Variants in FARS2 observed in about 807,000 individuals in gnomAD.
FARS2 encodes phenylalanine--tRNA ligase, mitochondrial.
Under a neutral mutation model 46.4 loss-of-function variants are expected in FARS2, and 40 were observed. That is an observed-to-expected ratio of 0.86 (90% confidence interval 0.67 to 1.12). FARS2 has a LOEUF of 1.12. FARS2 is among the 50% of genes most tolerant of loss of function. FARS2 has a pLI of 0.00. For synonymous variants in FARS2, 234 were observed against 214.9 expected, an observed-to-expected ratio of 1.09 and a Z score of -0.78; for missense variants, 513 against 567.9, an observed-to-expected ratio of 0.90 and a Z score of 0.98.
At chr6:5,605,646 C>A (rs1215884979) in intron 5 of FARS2, among the ~76,000 whole-genome samples, 2 of 152,206 alleles carry the variant, frequency 1.3e-5, no homozygotes, top group South Asian at 4.1e-4. Flanking sequence ...ACCCAAATTC[C>A]ATGCCACGTG....
intron 6 of FARS2, among the ~76,000 whole-genome samples, chr6:5,710,770 T>C (rs1431756132): frequency 6.6e-6 from 1 of 152,196 alleles, no homozygotes; most frequent in Non-Finnish European, 1.5e-5. Flanking sequence ...CTGATCGATA[T>C]ATGGGTGAGC....
upstream of FARS2, chr6:5,260,925 T>C: frequency 7.4e-7 from 1 of 1,354,096 alleles, no homozygotes; most frequent in African/African-American, 1.6e-5. Flanking sequence ...CCCGCGCCGC[T>C]TCGGGGGCGG....
upstream of FARS2, chr6:5,260,590 ACCCCCGGTCCCCGGCCCCTGG>A: frequency 1.6e-6 from 2 of 1,270,492 alleles, no homozygotes; most frequent in Non-Finnish European, 2.2e-6. Flanking sequence ...GTCAGCCCGC[ACCCCCGGTCCCCGGCCCCTGG>A]CCCCCCGCCC....
chr6:5,664,681 G>A (rs1021993787), intron 6 of FARS2, among the ~76,000 whole-genome samples: 10 of 152,256 alleles, frequency 6.6e-5, no homozygotes, highest in Admixed American at 6.5e-4. Context: ...TCTCTTAGTA[G>A]GACATGAGAT....
intron 6 of FARS2, among the ~76,000 whole-genome samples, chr6:5,758,795 C>T (rs1378574098): frequency 2.6e-5 from 4 of 152,100 alleles, no homozygotes; most frequent in African/African-American, 9.7e-5. Flanking sequence ...TTTAAAGTTG[C>T]CCCCTGAGCC....
intron 4 of FARS2, among the ~76,000 whole-genome samples, chr6:5,455,540 T>G (rs1436350118): frequency 6.6e-6 from 1 of 152,204 alleles, no homozygotes; most frequent in African/African-American, 2.4e-5. Context: ...TCAGCTTGTT[T>G]CCCCCATCCT....
chr6:5,383,720 A>G lies in FARS2; in HGVS notation c.612+14538A>G, dbSNP rs765512029. 5.3e-5 allele frequency among the ~76,000 whole-genome samples: 8 copies of G among 150,138 alleles called. No individual in the cohort carries two copies. The East Asian group carries it at 5.8e-4, about 11-fold the overall frequency. On this transcript the variant is annotated intron_variant, in intron 2 of 6. Coordinates refer to ENST00000274680, the MANE Select transcript of FARS2 (RefSeq NM_006567.5). ...ATCCATCTGAGCATTGTCAATGTCA[A>G]TTATGTATCTTGTGGGTTGTCCTTT...
chr6:5,568,213 G>A (rs940035357), intron 5 of FARS2, among the ~76,000 whole-genome samples: 3 of 152,048 alleles, frequency 2.0e-5, no homozygotes, highest in South Asian at 2.1e-4. Flanking sequence ...TGTAATATGC[G>A]GTTCTGATTC....
At chr6:5,607,099 C>T (rs1012368766) in intron 5 of FARS2, among the ~76,000 whole-genome samples, 4 of 152,046 alleles carry the variant, frequency 2.6e-5, no homozygotes, top group Non-Finnish European at 4.4e-5. Context: ...ATATTTTTAA[C>T]TTAAAATTAG....
At position 5,343,696 on chromosome 6, in the gene FARS2, T is replaced by C. The variant is rs374026382; in HGVS notation, c.-21-24854T>C. Among the ~76,000 whole-genome samples the C allele has an allele frequency of 2.6e-5, 4 of 152,232 alleles. No homozygotes were observed. The East Asian group carries it at 7.7e-4, about 29-fold the overall frequency. ...AACAGGAATGTGTCGTGACTGAAAG[T>C]GGAGGATGAGCTGGTATGACATGGG... On this transcript the variant is annotated intron_variant, in intron 1 of 6. Coordinates refer to ENST00000274680, the MANE Select transcript of FARS2 (RefSeq NM_006567.5). The surrounding 1 kb of genome is among the most constrained non-coding windows in gnomAD (Gnocchi z 4.5).
At chr6:5,737,337 C>T (rs1761017594) in intron 6 of FARS2, among the ~76,000 whole-genome samples, 2 of 152,170 alleles carry the variant, frequency 1.3e-5, no homozygotes, top group African/African-American at 4.8e-5. Context: ...TTGAGACCAG[C>T]CTGGCCAACA....
At chr6:5,511,197 G>T (rs1002840999) in intron 4 of FARS2, among the ~76,000 whole-genome samples, 4 of 152,206 alleles carry the variant, frequency 2.6e-5, no homozygotes, top group African/African-American at 9.7e-5. Context: ...ATGCCAAGAT[G>T]AAGATTTTGT....
In FARS2 at chr6:5,467,398, G is replaced by A. The variant is rs984277273; in HGVS notation, c.904+36226G>A. On this transcript the variant is annotated intron_variant, in intron 4 of 6. Transcript: ENST00000274680. ...ATCATTGCCCAAGTAATTTCTCATT[G>A]TAATATCTAGAGTCCTACAAGCTTA... Among the ~76,000 whole-genome samples, 6 of 152,250 alleles carry A rather than the reference G, an allele frequency of 3.9e-5. No individual in the cohort carries two copies. In the East Asian group the frequency reaches 1.2e-3, roughly 29 times the overall value.
intron 6 of FARS2, among the ~76,000 whole-genome samples, chr6:5,633,490 G>T (rs1362018798): frequency 1.3e-5 from 2 of 151,940 alleles, no homozygotes; most frequent in Admixed American, 1.3e-4. Context: ...GGGCCAGGCT[G>T]GTCTTGAACT....
Position 5,613,259 on chromosome 6 carries a change from C to G in FARS2, c.1156C>G (p.Arg386Gly), listed in dbSNP as rs770597592. ...YAENDFYDLV[R>G]TIGGDLVEKV... ...AGAAAATGATTTCTATGACTTAGTC[C>G]GAACAATTGGAGGAGACCTGGTGGA... The change falls in exon 6 of 7, where the codon CGA becomes GGA. Residue 386 changes from arginine (R) to glycine (G), a missense_variant. Physicochemically the swap from Arg to Gly is moderately radical, Grantham distance 125. Transcript: ENST00000274680. 1 of 1,613,298 alleles carries G rather than the reference C, an allele frequency of 6.2e-7. No individual in the cohort carries two copies. Among genetic ancestry groups the G allele is most frequent in the Non-Finnish European group, 8.5e-7 (1 of 1,179,550 alleles).
At chr6:5,354,479 C>T (rs563378432) in intron 1 of FARS2, among the ~76,000 whole-genome samples, 3 of 150,982 alleles carry the variant, frequency 2.0e-5, no homozygotes, top group Middle Eastern at 3.5e-3. Context: ...TTTAATAGTA[C>T]AGTAACATTT....
At chr6:5,366,289 T>C (rs144023028) in intron 1 of FARS2, among the ~76,000 whole-genome samples, 8 of 152,298 alleles carry the variant, frequency 5.3e-5, no homozygotes, top group African/African-American at 7.2e-5. Flanking sequence ...GGAAGAACAA[T>C]GTATTAATAG....
intron 5 of FARS2, among the ~76,000 whole-genome samples, chr6:5,607,287 G>A (rs1459799082): frequency 1.9e-4 from 1 of 5,170 alleles, no homozygotes; most frequent in Non-Finnish European, 4.6e-4. Flanking sequence ...TAATATGTAT[G>A]TGTGTGTGTG....
chr6:5,666,753 A>G (rs1778144209), intron 6 of FARS2, among the ~76,000 whole-genome samples: 1 of 152,252 alleles, frequency 6.6e-6, no homozygotes, highest in Admixed American at 6.5e-5. Flanking sequence ...AAATTGTTCT[A>G]TTATAAAGAC....
Sources: allele counts gnomAD v4.1 joint callset (sites outside exome capture counted in the v4.1 genomes callset), GRCh38; gene constraint gnomAD v4.1.1; non-coding constraint Gnocchi (gnomAD v3.1); transcripts MANE v1.5; gene names NCBI Gene and HGNC (gene_info 2026-07-23, HGNC 2026-07-21).